Variants in PLEKHA1 observed in about 807,000 individuals in gnomAD.
PLEKHA1 encodes the protein pleckstrin homology domain-containing family A member 1.
Under a neutral mutation model 52.0 loss-of-function variants are expected in PLEKHA1, and 34 were observed. That is an observed-to-expected ratio of 0.65 (90% CI 0.50 to 0.87). The LOEUF (loss-of-function observed/expected upper bound fraction) is 0.87, where lower values mean the gene tolerates loss of function less well. PLEKHA1 is among the 40% of genes least tolerant of loss of function. PLEKHA1 has a pLI of 0.00. For missense variants in PLEKHA1, 497 were observed against 504.2 expected (o/e 0.99, Z 0.14); for synonymous variants, 163 against 170.7 (o/e 0.95, Z 0.35).
chr10:122,417,761 TC>T, intron 7 of PLEKHA1, 138 bp from the exon 8 acceptor site: 1 of 572,200 alleles, frequency 1.7e-6, no homozygotes, highest in Non-Finnish European at 3.1e-6. Flanking sequence ...GTTTAATTTA[TC>T]GCATCTCTAA....
At chr10:122,378,907 CT>C (rs1195199009) in intron 1 of PLEKHA1, among the ~76,000 whole-genome samples, 44 of 152,052 alleles carry the variant, frequency 2.9e-4, no homozygotes, top group Admixed American at 2.8e-3. Context: ...TTGTGGTAAG[CT>C]CCTGGGATAC....
At chr10:122,426,602 T>A (rs966412403) in intron 10 of PLEKHA1, among the ~76,000 whole-genome samples, 3 of 152,312 alleles carry the variant, frequency 2.0e-5, no homozygotes, top group Middle Eastern at 3.4e-3. Flanking sequence ...ACATAAATAT[T>A]CTTGTAGCAG....
At chr10:122,388,007 T>G (rs530205766) in intron 1 of PLEKHA1, 2 of 152,250 alleles carry the variant, frequency 1.3e-5, no homozygotes, top group Non-Finnish European at 2.9e-5. Context: ...CAGCATCCTT[T>G]TATTTTTTTA....
chr10:122,434,140 G>T (rs1389026705), downstream of PLEKHA1: 1 of 152,156 alleles, frequency 6.6e-6, no homozygotes, highest in Non-Finnish European at 1.5e-5. Flanking sequence ...TTGGACACCT[G>T]ATTGTTACCA....
intron 5 of PLEKHA1, among the ~76,000 whole-genome samples, chr10:122,409,238 C>G (rs2097070186): frequency 6.6e-6 from 1 of 152,070 alleles, no homozygotes; most frequent in South Asian, 2.1e-4. Context: ...AGTTGAAAAT[C>G]CATTTAATAC....
At chr10:122,421,310 T>C (rs538635495) in intron 8 of PLEKHA1, 1 of 152,290 alleles carries the variant, frequency 6.6e-6, no homozygotes, top group South Asian at 2.1e-4. Context: ...AGGGACATTC[T>C]ACAAAATAAC....
chr10:122,415,880 G>C lies in PLEKHA1; in HGVS notation c.490G>C (p.Gly164Arg). The C allele has an allele frequency of 6.2e-7, 1 of 1,611,530 alleles. No homozygotes were observed. The highest frequency in any genetic ancestry group is 8.5e-7 in the Non-Finnish European group (1 of 1,178,402). Residue 164 changes from glycine (G) to arginine (R), a missense_variant, in exon 7 of 12, where the codon GGT becomes CGT. Physicochemically the swap from Gly to Arg is moderately radical, Grantham distance 125. Transcript: ENST00000368990. ...PTQKEEVNECGESIDRNNLKR... is the reference protein window; with the variant it reads ...PTQKEEVNECRESIDRNNLKR... ...TTAGAAAGAAGAAGTAAATGAATGT[G>C]GTGAAAGTATTGACAGAAATAATCT...
At chr10:122,424,419 CAG>C (rs1156447562) in intron 9 of PLEKHA1, among the ~76,000 whole-genome samples, 156 bp downstream of exon 9, 3 of 152,010 alleles carry the variant, frequency 2.0e-5, no homozygotes, top group African/African-American at 7.2e-5. Flanking sequence ...TCAAAACCCT[CAG>C]AGTAAAGTAT....
chr10:122,375,625 T>C (rs1022379829), intron 1 of PLEKHA1, among the ~76,000 whole-genome samples: 2 of 152,222 alleles, frequency 1.3e-5, no homozygotes, highest in African/African-American at 4.8e-5. Flanking sequence ...ATGAAAGCGG[T>C]CCTGTTGCTT....
downstream of PLEKHA1, chr10:122,436,553 T>C (rs1352480175): frequency 6.6e-6 from 1 of 152,166 alleles, no homozygotes; most frequent in Non-Finnish European, 1.5e-5. Context: ...CCTGATGGAG[T>C]TGGGTCAATT....
At chr10:122,388,222 T>C (rs2096727945) in intron 1 of PLEKHA1, among the ~76,000 whole-genome samples, 1 of 152,232 alleles carries the variant, frequency 6.6e-6, no homozygotes, top group African/African-American at 2.4e-5. Context: ...TCTGGATTTA[T>C]CTATTTAGGA....
At chr10:122,436,527 T>A (rs1010777313), downstream of PLEKHA1, 1 of 152,240 alleles carries the variant, frequency 6.6e-6, no homozygotes, top group Non-Finnish European at 1.5e-5. Context: ...GTTTTTTCCA[T>A]GTGGAGAAGC....
chr10:122,406,592 G>T lies in PLEKHA1; in HGVS notation c.261G>T (p.Met87Ile). ...TGTCAACAGTTATGAATGCAGGAAT[G>T]AGGAAGTACTTCCTACAAGCCAATG... ...AEFCFVMNAG[M>I]RKYFLQANDQ... The change falls in exon 5 of 12, where the codon ATG becomes ATT. Residue 87 changes from methionine to isoleucine, a missense_variant. Transcript: ENST00000368990. 6.2e-7 allele frequency: 1 copy of T among 1,611,508 alleles called. No homozygotes were observed. The highest frequency in any genetic ancestry group is 8.5e-7 in the Non-Finnish European group (1 of 1,177,694).
intron 8 of PLEKHA1, chr10:122,423,892 G>A (rs941253721): frequency 2.7e-5 from 8 of 300,254 alleles, no homozygotes; most frequent in East Asian, 7.6e-5. Context: ...ATACTGGTAC[G>A]TGGGTCCGTC....
At chr10:122,432,618 TATC>T (rs1463215982), downstream of PLEKHA1, 4 of 152,216 alleles carry the variant, frequency 2.6e-5, no homozygotes, top group Admixed American at 2.0e-4. Context: ...AAAGCAGAAT[TATC>T]ATATGTTAGC....
intron 4 of PLEKHA1, 83 bp from the exon 5 acceptor site, chr10:122,406,493 T>TA (rs2097017451): frequency 1.8e-6 from 2 of 1,090,758 alleles, no homozygotes; most frequent in African/African-American, 3.1e-5. Context: ...GTGTTGAACT[T>TA]AGCAAGGTTT....
intron 11 of PLEKHA1, chr10:122,428,210 C>T: frequency 7.2e-7 from 1 of 1,379,818 alleles, no homozygotes; most frequent in South Asian, 1.8e-5. Context: ...GTCAGCACAA[C>T]TTTCTCTTTT....
intron 6 of PLEKHA1, 144 bp from the exon 7 acceptor site, chr10:122,415,715 G>A (rs2097164721): frequency 2.6e-6 from 2 of 760,354 alleles, no homozygotes; most frequent in African/African-American, 1.8e-5. Flanking sequence ...TTAAGAGTAA[G>A]TATCTCAGAT....
At chr10:122,376,014 A>G (rs1002763561) in intron 1 of PLEKHA1, among the ~76,000 whole-genome samples, 4 of 152,160 alleles carry the variant, frequency 2.6e-5, no homozygotes, top group Non-Finnish European at 5.9e-5. Context: ...AGAACTCCTG[A>G]TCAATCTGCT....
Sources: allele counts gnomAD v4.1 joint callset (sites outside exome capture counted in the v4.1 genomes callset), GRCh38; gene constraint gnomAD v4.1.1; transcripts MANE v1.5; gene names NCBI Gene and HGNC (gene_info 2026-07-23, HGNC 2026-07-21).